The following GLIPR2 variants were observed in gnomAD, a reference collection of about 807,000 sequenced individuals.
GLIPR2 encodes the protein Golgi-associated plant pathogenesis-related protein 1.
In GLIPR2, 21 loss-of-function variants were observed where a neutral mutation model predicts 20.4. The observed-to-expected ratio is 1.03, with a 90% CI of 0.73 to 1.48. The LOEUF is 1.48. GLIPR2 is among the 40% of genes most tolerant of loss of function. The pLI, the probability that GLIPR2 is intolerant of heterozygous loss-of-function variation, is 0.00. For synonymous variants in GLIPR2, 91 were observed against 80.5 expected (o/e 1.13, Z -0.70); for missense variants, 205 against 200.1 (o/e 1.02, Z -0.15).
chr9:36,141,742 C>T, intron 1 of GLIPR2: 1 of 441,042 alleles, frequency 2.3e-6, no homozygotes, highest in Non-Finnish European at 4.5e-6. Context: ...CAGCCTCGAT[C>T]TCCTGGGCTC....
chr9:36,140,268 A>G (rs1032937855), intron 1 of GLIPR2, among the ~76,000 whole-genome samples: 62 of 152,140 alleles, frequency 4.1e-4, no homozygotes, highest in Non-Finnish European at 5.4e-4. Context: ...CACCAGAGGA[A>G]ATCAGAGCAG....
chr9:36,141,183 G>C (rs114827534), intron 1 of GLIPR2, among the ~76,000 whole-genome samples: 2 of 152,096 alleles, frequency 1.3e-5, no homozygotes, highest in African/African-American at 2.4e-5. Flanking sequence ...GCCTTGTGAG[G>C]TAGATACTGC....
In GLIPR2 at chr9:36,141,009, C is replaced by T. The variant is rs77847647; in HGVS notation, c.13+4218C>T. 3.6e-3 allele frequency among the ~76,000 whole-genome samples: 544 copies of T among 152,288 alleles called. 3 individuals are homozygous for T. The highest frequency in any genetic ancestry group is 0.012 in the African/African-American group (505 of 41,544). The stretch of plus-strand genomic sequence containing the variant: ...AGGCAGGGCAGGAGGGGACCTGACC[C>T]GGAAGGAGCAGGAACAGGTTCTTCT... On this transcript the variant is annotated intron_variant, in intron 1 of 4. Coordinates refer to ENST00000377960, the MANE Select transcript of GLIPR2 (RefSeq NM_022343.4).
chr9:36,141,938 A>ACCCCAG, intron 1 of GLIPR2: 1 of 446,654 alleles, frequency 2.2e-6, no homozygotes, highest in South Asian at 1.6e-5. Flanking sequence ...TATACCCTCC[A>ACCCCAG]CCCCAGCAGA....
At chr9:36,141,241 A>G (rs1242466418) in intron 1 of GLIPR2, among the ~76,000 whole-genome samples, 1 of 152,212 alleles carries the variant, frequency 6.6e-6, no homozygotes, top group Admixed American at 6.5e-5. Flanking sequence ...TGTTGAAGCA[A>G]CGTGTCCAAG....
At chr9:36,159,535 T>C (rs116127553) in intron 4 of GLIPR2, among the ~76,000 whole-genome samples, 1,618 of 152,326 alleles carry the variant, frequency 0.011, 30 homozygotes, top group African/African-American at 0.036. Flanking sequence ...TCTGCCCATA[T>C]GGACACATAG....
chr9:36,143,430 C>T (rs191189176), intron 1 of GLIPR2, among the ~76,000 whole-genome samples: 4 of 152,300 alleles, frequency 2.6e-5, no homozygotes, highest in East Asian at 1.9e-4. Context: ...ATGCATCTCC[C>T]GTGGTGTCCC....
At chr9:36,147,990 G>A (rs1052924985) in intron 2 of GLIPR2, 96 bp downstream of exon 2, 9 of 753,262 alleles carry the variant, frequency 1.2e-5, no homozygotes, top group Non-Finnish European at 2.2e-5. Context: ...GCTCACACCT[G>A]TAATTTCAGC....
rs2132698123 is a variant in GLIPR2, at chr9:36,136,958, G to A, written c.13+167G>A. 2 of 807,964 alleles carry A rather than the reference G, an allele frequency of 2.5e-6. No individual in the cohort carries two copies. Among genetic ancestry groups the A allele is most frequent in the East Asian group, 6.8e-5 (2 of 29,304 alleles). 50.0% of individuals were successfully genotyped at this position (807,964 alleles called of 1,614,324 possible). On this transcript the variant is annotated intron_variant, in intron 1 of 4. Coordinates refer to ENST00000377960, the MANE Select transcript of GLIPR2 (RefSeq NM_022343.4). The surrounding 1 kb of genome is among the most constrained non-coding windows in gnomAD (Gnocchi z 4.3). ...CCCGGCGCGGTTTCCGGGGAACCCG[G>A]GGGGAAGGCGAGCCCGAGGGAGGCC... is the stretch of plus-strand genomic sequence containing the variant.
chr9:36,149,573 G>C (rs937419674), intron 3 of GLIPR2, among the ~76,000 whole-genome samples: 4 of 152,172 alleles, frequency 2.6e-5, no homozygotes, highest in African/African-American at 9.6e-5. Context: ...CAGGAGACAT[G>C]GTCCATTCCA....
intron 4 of GLIPR2, among the ~76,000 whole-genome samples, chr9:36,153,793 C>T (rs543772097): frequency 1.3e-4 from 20 of 151,858 alleles, no homozygotes; most frequent in Middle Eastern, 6.8e-3. Flanking sequence ...CTCAGCTGCT[C>T]GGGATGCTAA....
intron 4 of GLIPR2, among the ~76,000 whole-genome samples, chr9:36,160,639 G>T (rs1826016713): frequency 6.6e-6 from 1 of 152,184 alleles, no homozygotes; most frequent in Admixed American, 6.5e-5. Context: ...GGAATGGAGA[G>T]GAGGCCACTG....
intron 4 of GLIPR2, among the ~76,000 whole-genome samples, chr9:36,158,422 T>G (rs1194883635): frequency 6.6e-6 from 1 of 152,190 alleles, no homozygotes; most frequent in African/African-American, 2.4e-5. Flanking sequence ...GTGGTTGCCC[T>G]TTTTTCTTTC....
At chr9:36,146,313 C>T (rs1825322155) in intron 1 of GLIPR2, 1 of 152,200 alleles carries the variant, frequency 6.6e-6, no homozygotes, top group Non-Finnish European at 1.5e-5. Context: ...TTAAAGATCT[C>T]ACTCCTCCGC....
chr9:36,160,761 A>C (rs1360815037), intron 4 of GLIPR2, among the ~76,000 whole-genome samples: 1 of 152,182 alleles, frequency 6.6e-6, no homozygotes, highest in Non-Finnish European at 1.5e-5. Flanking sequence ...CTGAATACTA[A>C]GTAGAAAATG....
Position 36,137,686 on chromosome 9 carries a change from A to T in GLIPR2, c.13+895A>T, listed in dbSNP as rs1824888084. On this transcript the variant is annotated intron_variant, in intron 1 of 4. Coordinates refer to ENST00000377960, the MANE Select transcript of GLIPR2 (RefSeq NM_022343.4). ...TAGACCTGTTTCCCACCGGGTCCTC[A>T]CCCCTGGCTGCCAGGGGCCGTGTTT... Among the ~76,000 whole-genome samples the T allele has an allele frequency of 4.6e-5, 7 of 151,904 alleles. No individual in the cohort carries two copies. In the South Asian group the frequency reaches 1.5e-3, roughly 32 times the overall value.
intron 4 of GLIPR2, among the ~76,000 whole-genome samples, chr9:36,156,413 G>T (rs4879957): frequency 0.083 from 8,395 of 100,828 alleles, 347 homozygotes; most frequent in Non-Finnish European, 0.11. Context: ...AAAAAAAAAA[G>T]AAATTGTAGT....
intron 4 of GLIPR2, among the ~76,000 whole-genome samples, chr9:36,156,120 C>A (rs1180072005): frequency 6.6e-6 from 1 of 152,066 alleles, no homozygotes; most frequent in Non-Finnish European, 1.5e-5. Flanking sequence ...TGAGGCACAA[C>A]AATCGCTTGA....
At chr9:36,149,958 G>A (rs1334025036) in intron 3 of GLIPR2, among the ~76,000 whole-genome samples, 41 of 152,224 alleles carry the variant, frequency 2.7e-4, no homozygotes, top group Admixed American at 2.5e-3. Context: ...AACCTGGGAG[G>A]TGGAGGTTGC....
Sources: allele counts gnomAD v4.1 joint callset (sites outside exome capture counted in the v4.1 genomes callset), GRCh38; gene constraint gnomAD v4.1.1; non-coding constraint Gnocchi (gnomAD v3.1); transcripts MANE v1.5; gene names NCBI Gene and HGNC (gene_info 2026-07-23, HGNC 2026-07-21).